The following USP11 variants were observed in gnomAD, a reference collection of about 807,000 sequenced individuals.
USP11 encodes the protein ubiquitin carboxyl-terminal hydrolase 11.
USP11 carries 5 observed loss-of-function variants against 72.8 expected under a neutral mutation model. That is an observed-to-expected ratio of 0.07 (90% CI 0.04 to 0.14). The LOEUF (loss-of-function observed/expected upper bound fraction) is 0.14. USP11 is among the 10% of genes least tolerant of loss of function. USP11 has a pLI of 1.00. For synonymous variants in USP11, 368 were observed against 326.5 expected, an observed-to-expected ratio of 1.13 and a Z score of -1.37; for missense variants, 480 against 794.7, an observed-to-expected ratio of 0.60 and a Z score of 4.76.
At chrX:47,239,039 G>A in intron 1 of USP11, 31 bp from the exon 2 acceptor site, 1 of 1,146,751 alleles carries the variant, frequency 8.7e-7, no homozygotes. Flanking sequence ...AGCTACCCAT[G>A]TAACACCCTT....
At chrX:47,234,773 C>T (rs762011354) in intron 1 of USP11, among the ~76,000 whole-genome samples, 13 of 111,772 alleles carry the variant, frequency 1.2e-4, no homozygotes, top group Non-Finnish European at 1.7e-4. Context: ...AAGTATGTGA[C>T]GTAATGGATG....
chrX:47,244,800 C>T lies in USP11; in HGVS notation c.1962C>T (p.Leu654=). The change falls in exon 15 of 21, where the codon CTC becomes CTT. Residue 654 remains leucine, a synonymous_variant. Coordinates refer to ENST00000377107, the MANE Select transcript of USP11 (RefSeq NM_001371072.1). ...SSGVTNRCPF[L]LDNCLGTSQW... The stretch of plus-strand genomic sequence containing the variant: ...GAGTCACGAACAGGTGCCCGTTCCT[C>T]CTGGACAATTGCCTTGGCACATCTC... 2.5e-6 allele frequency: 3 copies of T among 1,211,054 alleles called. No individual in the cohort carries two copies. Among genetic ancestry groups the T allele is most frequent in the Non-Finnish European group, 3.4e-6 (3 of 895,321 alleles).
chrX:47,240,852 G>A lies in USP11; in HGVS notation c.822G>A (p.Thr274=), dbSNP rs760296191. ...GICGLTNLGN[T]CFMNSALQCL... ...GTGGCCTCACCAATCTGGGCAACAC[G>A]TGCTTCATGAACTCGGCCCTGCAGG... Residue 274 remains threonine (T), a synonymous_variant, in exon 7 of 21, where the codon ACG becomes ACA. Coordinates refer to ENST00000377107, the MANE Select transcript of USP11 (RefSeq NM_001371072.1). The A allele has an allele frequency of 7.4e-6, 9 of 1,210,944 alleles. No homozygotes were observed. The highest frequency in any genetic ancestry group is 1.0e-5 in the Non-Finnish European group (9 of 895,045).
At chrX:47,239,685 T>A in intron 3 of USP11, 105 bp from the exon 4 acceptor site, 1 of 991,548 alleles carries the variant, frequency 1.0e-6, no homozygotes, top group Non-Finnish European at 1.4e-6. Flanking sequence ...TATGTGTGTT[T>A]GTATGCTATG....
At position 47,242,512 on chromosome X, in the gene USP11, C is replaced by T. The variant is rs956435731; in HGVS notation, c.1478C>T (p.Ser493Leu). 8.3e-7 allele frequency: 1 copy of T among 1,211,887 alleles called. No homozygotes were observed. Among genetic ancestry groups the T allele is most frequent in the Non-Finnish European group, 1.1e-6 (1 of 895,523 alleles). The stretch of plus-strand genomic sequence containing the variant: ...GCTCTGTCCAAACACACGGGCATCT[C>T]GCCAGAGAGGGTGAGACTGCAGAAG... ...CVALSKHTGISPERMMVADVF... is the reference protein window; with the variant it reads ...CVALSKHTGILPERMMVADVF... The change falls in exon 11 of 21, where the codon TCG (serine) becomes TTG (leucine). Residue 493 changes from serine to leucine, a missense_variant. This residue lies in a region of USP11 where 314 missense variants were observed against 556.0 expected (regional missense o/e 0.56). Transcript: ENST00000377107.
At chrX:47,246,642 T>C (rs1293932019) in intron 17 of USP11, among the ~76,000 whole-genome samples, 1 of 109,239 alleles carries the variant, frequency 9.2e-6, no homozygotes, top group Non-Finnish European at 1.9e-5. Flanking sequence ...GAATACTAGA[T>C]GGGCTAATAG....
In USP11 at chrX:47,248,126, G is replaced by A; in HGVS notation, c.*196G>A. The A allele has an allele frequency of 1.8e-6, 1 of 566,708 alleles. No individual in the cohort carries two copies. The highest frequency in any genetic ancestry group is 2.6e-6 in the Non-Finnish European group (1 of 379,377). 46.7% of individuals were successfully genotyped at this position (566,708 alleles called of 1,213,427 possible). ...ACAGGTCGTGTCTCCTCCTAGCAGT[G>A]CGCGCCCCGCCTGTGTTTGCCCTTC... On this transcript the variant is annotated 3_prime_UTR_variant, in exon 21 of 21. Transcript: ENST00000377107.
At chrX:47,241,190 C>G in intron 7 of USP11, 87 bp from the exon 8 acceptor site, 1 of 1,030,323 alleles carries the variant, frequency 9.7e-7, no homozygotes, top group Non-Finnish European at 1.3e-6. Context: ...TTTCCTCTCT[C>G]TTTCCTCCTG....
intron 13 of USP11, 46 bp downstream of exon 13, chrX:47,243,648 T>A: frequency 2.6e-6 from 3 of 1,152,513 alleles, no homozygotes; most frequent in Non-Finnish European, 3.5e-6. Context: ...GGGTCTGAAC[T>A]CCGACTTGGG....
rs1399107944 is a variant in USP11, at chrX:47,241,527, G to GC, written c.1021-11dup. Reference sequence around the variant, plus strand: ...AACTCCCTCTCTCTCTGATGACCCTGCCCATCTTCTTAGAACAAGGTTGGC... The same window carrying GC: ...AACTCCCTCTCTCTCTGATGACCCTGCCCCATCTTCTTAGAACAAGGTTGGC... On this transcript the variant is annotated splice_polypyrimidine_tract_variant and intron_variant, in intron 8 of 20. Coordinates refer to ENST00000377107, the MANE Select transcript of USP11 (RefSeq NM_001371072.1). The GC allele has an allele frequency of 1.7e-6, 2 of 1,190,515 alleles. No individual in the cohort carries two copies. The highest frequency in any genetic ancestry group is 2.3e-6 in the Non-Finnish European group (2 of 884,462).
intron 6 of USP11, 34 bp from the exon 7 acceptor site, chrX:47,240,740 G>GTTTCTCATCTA: frequency 8.3e-7 from 1 of 1,207,025 alleles, no homozygotes. Context: ...CCATGCAGCA[G>GTTTCTCATCTA]GCCCTCAGCT....
At chrX:47,234,545 A>G (rs1333059615) in intron 1 of USP11, among the ~76,000 whole-genome samples, 5 of 111,812 alleles carry the variant, frequency 4.5e-5, no homozygotes, top group Non-Finnish European at 9.4e-5. Flanking sequence ...CGCATCGTGT[A>G]AGCAGTTTAT....
intron 10 of USP11, 41 bp downstream of exon 10, chrX:47,242,347 A>G (rs2055407774): frequency 6.6e-6 from 8 of 1,203,109 alleles, no homozygotes; most frequent in Middle Eastern, 2.3e-4. Context: ...TGATGGACAC[A>G]TAGAGTTTGA....
intron 17 of USP11, among the ~76,000 whole-genome samples, chrX:47,246,749 T>C (rs1215317862): frequency 1.8e-5 from 2 of 110,308 alleles, no homozygotes; most frequent in African/African-American, 6.6e-5. Context: ...GGCTGGGCAT[T>C]GTGGCTCATG....
intron 17 of USP11, among the ~76,000 whole-genome samples, chrX:47,246,097 C>G (rs1314113784): frequency 1.8e-5 from 2 of 112,117 alleles, no homozygotes; most frequent in Non-Finnish European, 3.8e-5. Flanking sequence ...CCCCACCATC[C>G]CTCTCCATCC....
intron 1 of USP11, chrX:47,233,557 G>A (rs889627936): frequency 1.6e-5 from 14 of 879,396 alleles, no homozygotes; most frequent in Non-Finnish European, 1.9e-5. Context: ...CATAAGGCGG[G>A]GGCGCGGCCT....
At position 47,247,176 on chromosome X, in the gene USP11, A is replaced by G. The variant is rs758689897; in HGVS notation, c.2375A>G (p.Lys792Arg). 21 of 1,208,917 alleles carry G rather than the reference A, an allele frequency of 1.7e-5. No homozygotes were observed. The highest frequency in any genetic ancestry group is 2.2e-5 in the Non-Finnish European group (20 of 894,995). ...CACCTGAAACGCTTTTCCTACACCA[A>G]GTTCTCCCGAGAGAAGCTGGACACC... ...IIHLKRFSYT[K>R]FSREKLDTLV... is the part of the protein sequence containing the mutation. Residue 792 changes from lysine (K) to arginine (R), a missense_variant, in exon 18 of 21, where the codon AAG becomes AGG. By Grantham distance (26) the Lys-to-Arg change is conservative. Transcript: ENST00000377107.
intron 17 of USP11, 30 bp downstream of exon 17, chrX:47,245,512 G>T (rs745611594): frequency 1.9e-6 from 2 of 1,047,883 alleles, no homozygotes; most frequent in South Asian, 2.0e-5. Flanking sequence ...CCTGTGTGTG[G>T]GGGTTTCATT....
At chrX:47,239,038 T>C in intron 1 of USP11, 32 bp from the exon 2 acceptor site, 2 of 1,121,674 alleles carry the variant, frequency 1.8e-6, no homozygotes, top group Non-Finnish European at 2.4e-6. Context: ...CAGCTACCCA[T>C]GTAACACCCT....
Sources: allele counts gnomAD v4.1 joint callset (sites outside exome capture counted in the v4.1 genomes callset), GRCh38; gene constraint gnomAD v4.1.1; regional missense constraint gnomAD v4.1.1; transcripts MANE v1.5; gene names NCBI Gene and HGNC (gene_info 2026-07-23, HGNC 2026-07-21).